The following SLC22A25 variants were observed in gnomAD, a reference collection of about 807,000 sequenced individuals.
SLC22A25 encodes solute carrier family 22 member 25.
A neutral mutation model predicts 45.9 loss-of-function variants in SLC22A25; 44 were observed. The ratio of observed to expected loss-of-function variants is 0.96; its 90% CI spans 0.75 to 1.23. The LOEUF (loss-of-function observed/expected upper bound fraction) is 1.23, where lower values mean the gene tolerates loss of function less well. Ranked by LOEUF, SLC22A25 falls within the 50% of genes most tolerant of loss-of-function variation. The pLI is 0.00. For missense variants in SLC22A25, 800 were observed against 666.4 expected (o/e 1.20, Z -2.21); for synonymous variants, 283 against 238.6 (o/e 1.19, Z -1.72).
At chr11:63,174,844 T>C (rs1440289590) in intron 9 of SLC22A25, among the ~76,000 whole-genome samples, 4 of 152,148 alleles carry the variant, frequency 2.6e-5, no homozygotes, top group South Asian at 2.1e-4. Context: ...TCTGCTTCTA[T>C]AAATTTGATT....
chr11:63,159,355 C>T lies in SLC22A25; in HGVS notation c.*4469G>A, dbSNP rs766494541. Among the ~76,000 whole-genome samples, 2 of 152,054 alleles carry T rather than the reference C, an allele frequency of 1.3e-5. No individual in the cohort carries two copies. Among genetic ancestry groups the T allele is most frequent in the Non-Finnish European group, 2.9e-5 (2 of 68,000 alleles). On this transcript the variant is annotated 3_prime_UTR_variant, in exon 12 of 12. Coordinates refer to ENST00000306494, the MANE Select transcript of SLC22A25 (RefSeq NM_199352.6). Reference sequence around the variant, plus strand: ...AGTTCCCACCTGTCATGGGAGGGAGCCTGTGGGAGGTAATTGAATCATGGG... The same window carrying T: ...AGTTCCCACCTGTCATGGGAGGGAGTCTGTGGGAGGTAATTGAATCATGGG...
intron 10 of SLC22A25, 100 bp from the exon 11 acceptor site, chr11:63,164,734 G>T: frequency 3.3e-6 from 3 of 901,750 alleles, no homozygotes; most frequent in East Asian, 2.5e-5. Context: ...GGTGTTTCCA[G>T]GGGTAAAATG....
At chr11:63,215,598 T>C (rs772993956) in intron 7 of SLC22A25, among the ~76,000 whole-genome samples, 2 of 152,256 alleles carry the variant, frequency 1.3e-5, no homozygotes, top group African/African-American at 2.4e-5. Context: ...AAAGTGGGCA[T>C]AGGACATGGA....
chr11:63,185,636 G>A (rs887239895), intron 7 of SLC22A25, among the ~76,000 whole-genome samples: 10 of 147,490 alleles, frequency 6.8e-5, no homozygotes, highest in Admixed American at 1.4e-4. Flanking sequence ...CTGGTGCGCT[G>A]CACCCACTAA....
At chr11:63,183,632 AC>A (rs1263787030) in intron 8 of SLC22A25, 61 bp downstream of exon 8, 2 of 1,604,854 alleles carry the variant, frequency 1.2e-6, no homozygotes, top group Non-Finnish European at 1.7e-6. Context: ...ATGAACACCA[AC>A]AAGTATAGAT....
At chr11:63,186,365 T>G (rs1335982587) in intron 7 of SLC22A25, among the ~76,000 whole-genome samples, 6 of 151,698 alleles carry the variant, frequency 4.0e-5, no homozygotes, top group Admixed American at 1.3e-4. Flanking sequence ...TCTGTTCATA[T>G]CCTTTGCCCA....
rs77269173 is a variant in SLC22A25, at chr11:63,174,090, G to A, written c.1070+6570C>T. Among the ~76,000 whole-genome samples the A allele has an allele frequency of 5.7e-3, 869 of 151,754 alleles. 9 individuals are homozygous for A. The highest frequency in any genetic ancestry group is 0.02 in the African/African-American group (827 of 41,402). On this transcript the variant is annotated intron_variant, in intron 9 of 11. Coordinates refer to ENST00000306494, the MANE Select transcript of SLC22A25 (RefSeq NM_199352.6). ...TGACAGGCCCTGGTGTGTGATGTTC[G>A]CCTCCCTGTGTCCATGTGTTCTCAT...
chr11:63,173,455 A>T (rs1476315950), intron 9 of SLC22A25, among the ~76,000 whole-genome samples: 2 of 152,292 alleles, frequency 1.3e-5, no homozygotes, highest in East Asian at 3.9e-4. Context: ...TGTAGTGAAT[A>T]CTTATAATTT....
chr11:63,212,260 G>A (rs1045748864), intron 7 of SLC22A25, among the ~76,000 whole-genome samples: 15 of 151,882 alleles, frequency 9.9e-5, no homozygotes, highest in East Asian at 5.8e-4. Context: ...ACAGTGTGGC[G>A]ATTCCTCAGG....
chr11:63,162,115 T>A lies in SLC22A25; in HGVS notation c.*1709A>T, dbSNP rs767506248. Among the ~76,000 whole-genome samples the A allele has an allele frequency of 7.9e-5, 12 of 152,192 alleles. No individual in the cohort carries two copies. The highest frequency in any genetic ancestry group is 1.5e-4 in the Non-Finnish European group (10 of 68,022). The stretch of plus-strand genomic sequence containing the variant: ...CGTTGCCCATTGTTTGATGAGATTA[T>A]TTGATTTTTCCTATAGAGTTGTTTG... On this transcript the variant is annotated 3_prime_UTR_variant, in exon 12 of 12. Coordinates refer to ENST00000306494, the MANE Select transcript of SLC22A25 (RefSeq NM_199352.6).
chr11:63,231,065 G>C (rs573134343), intron 3 of SLC22A25, among the ~76,000 whole-genome samples: 1 of 152,162 alleles, frequency 6.6e-6, no homozygotes, highest in African/African-American at 2.4e-5. Flanking sequence ...GGACATTTGG[G>C]TTGGTTCCAA....
chr11:63,162,379 G>A lies in SLC22A25; in HGVS notation c.*1445C>T, dbSNP rs1449767856. Among the ~76,000 whole-genome samples the A allele has an allele frequency of 6.6e-6, 1 of 152,056 alleles. No individual in the cohort carries two copies. Among genetic ancestry groups the A allele is most frequent in the Non-Finnish European group, 1.5e-5 (1 of 68,008 alleles). On this transcript the variant is annotated 3_prime_UTR_variant, in exon 12 of 12. Coordinates refer to ENST00000306494, the MANE Select transcript of SLC22A25 (RefSeq NM_199352.6). ...TGGAAAATTTCTCCAATGTTTTCTT[G>A]TAGCAGTTTCATAGTTTGAGGTCTT...
chr11:63,220,625 A>G (rs1300992767), intron 5 of SLC22A25, among the ~76,000 whole-genome samples: 4 of 152,168 alleles, frequency 2.6e-5, no homozygotes, highest in African/African-American at 7.2e-5. Context: ...AAACAATCCA[A>G]TTATACTCTT....
At chr11:63,224,380 C>T (rs1215729702) in intron 5 of SLC22A25, among the ~76,000 whole-genome samples, 4 of 151,886 alleles carry the variant, frequency 2.6e-5, no homozygotes, top group African/African-American at 7.2e-5. Flanking sequence ...TTTTACTATT[C>T]AGTCTCTCTA....
chr11:63,233,637 C>T (rs2090112050), intron 3 of SLC22A25, among the ~76,000 whole-genome samples: 1 of 152,168 alleles, frequency 6.6e-6, no homozygotes, highest in Admixed American at 6.5e-5. Context: ...CTATCTCCTT[C>T]AGTTCTGCTC....
rs112260121 is a variant in SLC22A25, at chr11:63,229,302, C to CA, written c.350dup (p.Asp118GlyfsTer6). The CA allele has an allele frequency of 1.7e-3, 2,727 of 1,593,846 alleles. 34 individuals are homozygous for CA. In the African/African-American group the frequency reaches 0.026, roughly 15 times the overall value. ...AGCTTTGGTCATATACCCAGCCATC[C>CA]ACACAGGGCTCTGTATCTGGCTCAC... On this transcript the variant is annotated frameshift_variant, in exon 4 of 12. Coordinates refer to ENST00000306494, the MANE Select transcript of SLC22A25 (RefSeq NM_199352.6). LOFTEE classifies it high-confidence loss of function.
At chr11:63,195,164 A>G (rs1382428913) in intron 7 of SLC22A25, among the ~76,000 whole-genome samples, 2 of 152,120 alleles carry the variant, frequency 1.3e-5, no homozygotes, top group East Asian at 3.9e-4. Flanking sequence ...GGGAGACTTT[A>G]ACACCCCACT....
chr11:63,177,771 C>T (rs1011731616), intron 9 of SLC22A25, among the ~76,000 whole-genome samples: 5 of 134,538 alleles, frequency 3.7e-5, no homozygotes, highest in African/African-American at 5.3e-5. Flanking sequence ...TCCATTATAT[C>T]TATTTCTCTC....
At chr11:63,177,375 TG>T (rs2088129964) in intron 9 of SLC22A25, among the ~76,000 whole-genome samples, 1 of 113,898 alleles carries the variant, frequency 8.8e-6, no homozygotes, top group Non-Finnish European at 1.9e-5. Flanking sequence ...TGTGTGTGTG[TG>T]TGTGTGTGTC....
Sources: allele counts gnomAD v4.1 joint callset (sites outside exome capture counted in the v4.1 genomes callset), GRCh38; gene constraint gnomAD v4.1.1; transcripts MANE v1.5; gene names NCBI Gene and HGNC (gene_info 2026-07-23, HGNC 2026-07-21).